Variants in INPP5A observed in about 807,000 individuals in gnomAD.
INPP5A encodes the protein 43 kDa inositol polyphosphate 5-phophatase.
In INPP5A, 14 loss-of-function variants were observed where a neutral mutation model predicts 65.2. The ratio of observed to expected loss-of-function variants is 0.21; its 90% CI spans 0.14 to 0.34. The LOEUF is 0.34. Ranked by LOEUF, INPP5A falls within the 10% of genes least tolerant of loss-of-function variation. The pLI is 1.00. For synonymous variants in INPP5A, 207 were observed against 208.3 expected, an observed-to-expected ratio of 0.99 and a Z score of 0.05; for missense variants, 431 against 545.6, an observed-to-expected ratio of 0.79 and a Z score of 2.09.
rs1177207691 is a variant in INPP5A at position 132,674,953 on chromosome 10, C to T, written c.307-15439C>T. ...AAACAGCATCCTTATCTGCCACTGA[C>T]ACCTCAAGCACCATTGGATCTGCTG... On this transcript the variant is annotated intron_variant, in intron 4 of 15. Transcript: ENST00000368594. The surrounding 1 kb of genome is among the most constrained non-coding windows in gnomAD (Gnocchi z 4.4). Among the ~76,000 whole-genome samples, 3 of 152,180 alleles carry T rather than the reference C, an allele frequency of 2.0e-5. No individual in the cohort carries two copies. The highest frequency in any genetic ancestry group is 4.4e-5 in the Non-Finnish European group (3 of 68,028).
rs568304990 is a variant in INPP5A at position 132,645,878 on chromosome 10, C to A, written c.128C>A (p.Thr43Lys). Reference protein sequence around the residue: ...WLREFYQVVHTHKPHFMALHC... With the variant: ...WLREFYQVVHKHKPHFMALHC... Reference sequence around the variant, plus strand: ...CTTCTCTCCCTCCAGGTCGTGCACACACACAAGCCGCACTTCATGGCCTTG... The same window carrying A: ...CTTCTCTCCCTCCAGGTCGTGCACAAACACAAGCCGCACTTCATGGCCTTG... Residue 43 changes from threonine to lysine, a missense_variant, in exon 3 of 16, where the codon ACA (threonine) becomes AAA (lysine). Physicochemically the swap from Thr to Lys is moderately conservative, Grantham distance 78. Coordinates refer to ENST00000368594, the MANE Select transcript of INPP5A (RefSeq NM_005539.5). 1.2e-6 allele frequency: 2 copies of A among 1,613,608 alleles called. No homozygotes were observed. Among genetic ancestry groups the A allele is most frequent in the South Asian group, 2.2e-5 (2 of 91,022 alleles).
At chr10:132,628,323 G>T (rs1024073173) in intron 2 of INPP5A, among the ~76,000 whole-genome samples, 16 of 152,128 alleles carry the variant, frequency 1.1e-4, no homozygotes, top group Non-Finnish European at 1.9e-4. Context: ...TGCACCCATG[G>T]CTGGCAATGA....
chr10:132,759,975 C>T (rs776277686), intron 11 of INPP5A, among the ~76,000 whole-genome samples: 3 of 152,326 alleles, frequency 2.0e-5, no homozygotes, highest in East Asian at 1.9e-4. Context: ...TGCTCAGCCA[C>T]GCAGCACCGT....
chr10:132,722,899 C>T (rs766197403), intron 8 of INPP5A, among the ~76,000 whole-genome samples: 1 of 152,126 alleles, frequency 6.6e-6, no homozygotes, highest in Non-Finnish European at 1.5e-5. Context: ...AATTTTAGAA[C>T]AACTGTTTTT....
intron 1 of INPP5A, among the ~76,000 whole-genome samples, chr10:132,577,229 C>A (rs965660146): frequency 2.0e-5 from 3 of 152,140 alleles, no homozygotes; most frequent in Admixed American, 1.3e-4. Context: ...TGCTCCCCCC[C>A]GGCACGCCGC....
intron 4 of INPP5A, among the ~76,000 whole-genome samples, chr10:132,683,107 C>T (rs1353471755): frequency 6.6e-6 from 1 of 150,736 alleles, no homozygotes; most frequent in Non-Finnish European, 1.5e-5. Context: ...GTGTGTTATC[C>T]TATGTGGAGG....
intron 2 of INPP5A, among the ~76,000 whole-genome samples, chr10:132,638,500 C>T (rs559457701): frequency 9.2e-5 from 14 of 152,356 alleles, no homozygotes; most frequent in African/African-American, 3.4e-4. Context: ...GAGAGATCAC[C>T]TTCTGGAGTC....
chr10:132,770,080 C>G (rs955267263), intron 12 of INPP5A, among the ~76,000 whole-genome samples: 2 of 152,144 alleles, frequency 1.3e-5, no homozygotes, highest in Admixed American at 1.3e-4. Context: ...ACAGGGCTGG[C>G]GAGGGCGGCG....
At chr10:132,577,838 C>T (rs1299209910) in intron 1 of INPP5A, among the ~76,000 whole-genome samples, 1 of 152,208 alleles carries the variant, frequency 6.6e-6, no homozygotes, top group African/African-American at 2.4e-5. Flanking sequence ...GCTCTCGGTT[C>T]CAGCCTCGTT....
chr10:132,586,548 G>A (rs571051206), intron 1 of INPP5A, among the ~76,000 whole-genome samples: 28 of 152,346 alleles, frequency 1.8e-4, no homozygotes, highest in Admixed American at 1.5e-3. Context: ...ATCTGGAGGC[G>A]TCACTTGGCA....
At chr10:132,642,389 C>T (rs1479212715) in intron 2 of INPP5A, among the ~76,000 whole-genome samples, 1 of 152,224 alleles carries the variant, frequency 6.6e-6, no homozygotes, top group Non-Finnish European at 1.5e-5. Flanking sequence ...GGCTGTGTCT[C>T]ACTGTGCGTC....
intron 1 of INPP5A, among the ~76,000 whole-genome samples, chr10:132,568,370 T>C (rs867054464): frequency 6.6e-6 from 1 of 152,010 alleles, no homozygotes; most frequent in Non-Finnish European, 1.5e-5. Flanking sequence ...AATGGCTCCA[T>C]GAGATAACAG....
intron 12 of INPP5A, among the ~76,000 whole-genome samples, chr10:132,771,921 C>CCCG: frequency 5.0e-5 from 2 of 40,236 alleles, no homozygotes; most frequent in Admixed American, 2.4e-4. Context: ...CAGCAGCCAC[C>CCCG]CGATGAAGAG....
intron 1 of INPP5A, among the ~76,000 whole-genome samples, chr10:132,600,414 A>G (rs1291035215): frequency 6.6e-6 from 1 of 152,146 alleles, no homozygotes. Context: ...CCTCATCTCT[A>G]TCTGAGACCA....
intron 5 of INPP5A, among the ~76,000 whole-genome samples, chr10:132,696,934 G>C (rs181723463): frequency 1.1e-3 from 164 of 152,348 alleles, no homozygotes; most frequent in African/African-American, 3.7e-3. Flanking sequence ...ATGGTGCTGT[G>C]GTCCTCAGGT....
intron 14 of INPP5A, among the ~76,000 whole-genome samples, chr10:132,781,605 C>G (rs1847162479): frequency 6.6e-6 from 1 of 152,156 alleles, no homozygotes; most frequent in Admixed American, 6.5e-5. Flanking sequence ...ATTTTTTTAC[C>G]TGGAAATAAC....
At chr10:132,612,090 A>T (rs1188678990) in intron 2 of INPP5A, among the ~76,000 whole-genome samples, 1 of 86,960 alleles carries the variant, frequency 1.1e-5, no homozygotes, top group Non-Finnish European at 2.3e-5. Context: ...GAGAGGGGAG[A>T]GGGAAGTGAG....
At chr10:132,615,692 G>C (rs1306658399) in intron 2 of INPP5A, among the ~76,000 whole-genome samples, 1 of 152,212 alleles carries the variant, frequency 6.6e-6, no homozygotes, top group Non-Finnish European at 1.5e-5. Context: ...CCCTGCTGGA[G>C]AGTGGGCAGC....
rs1845501556 is a variant in INPP5A, at chr10:132,704,540, G to A, written c.475-3773G>A. ...GCAGCCCGCCGGCAACATGGGCTCT[G>A]TCCTCCCCTCCTTGTACCCGAGGCC... is the stretch of plus-strand genomic sequence containing the variant. On this transcript the variant is annotated intron_variant, in intron 6 of 15. Coordinates refer to ENST00000368594, the MANE Select transcript of INPP5A (RefSeq NM_005539.5). This position sits in a 1 kb window ranked among gnomAD's most constrained non-coding sequence, Gnocchi z 4.5. Among the ~76,000 whole-genome samples, 1 of 152,226 alleles carries A rather than the reference G, an allele frequency of 6.6e-6. No homozygotes were observed. Among genetic ancestry groups the A allele is most frequent in the East Asian group, 1.9e-4 (1 of 5,194 alleles).
Sources: gnomAD v4.1 joint callset for allele counts (sites outside exome capture counted in the v4.1 genomes callset) on GRCh38, gnomAD v4.1.1 for gene constraint, Gnocchi (gnomAD v3.1) non-coding constraint, MANE v1.5 for transcripts, NCBI Gene and HGNC (gene_info 2026-07-23, HGNC 2026-07-21) for gene names.